Variants in TMEM131 observed in about 807,000 individuals in gnomAD.
TMEM131 encodes 2610524E03Rik.
A neutral mutation model predicts 211.6 loss-of-function variants in TMEM131; 66 were observed. The observed-to-expected ratio is 0.31, with a 90% CI of 0.26 to 0.38. The LOEUF is 0.38. Among genes scored for constraint, TMEM131 ranks in the 10% least tolerant of loss-of-function variants. The pLI is 1.00. For synonymous variants in TMEM131, 844 were observed against 841.3 expected, an observed-to-expected ratio of 1.00 and a Z score of -0.06; for missense variants, 2,036 against 2,299.3, an observed-to-expected ratio of 0.89 and a Z score of 2.34.
intron 25 of TMEM131, among the ~76,000 whole-genome samples, chr2:97,798,243 CA>C (rs1248035213): frequency 6.6e-6 from 1 of 152,182 alleles, no homozygotes; most frequent in African/African-American, 2.4e-5. Context: ...TTTTTTATTA[CA>C]AAAACAGTCA....
At chr2:97,777,565 CTTTA>C (rs1679798582) in intron 31 of TMEM131, among the ~76,000 whole-genome samples, 1 of 152,234 alleles carries the variant, frequency 6.6e-6, no homozygotes, top group East Asian at 1.9e-4. Context: ...CTACCTGGCC[CTTTA>C]CAGAAAAAGT....
intron 2 of TMEM131, among the ~76,000 whole-genome samples, chr2:97,911,268 CA>C (rs1373790419): frequency 6.6e-6 from 1 of 152,136 alleles, no homozygotes; most frequent in Non-Finnish European, 1.5e-5. Flanking sequence ...TGACAGAAAG[CA>C]GACTGGTGGT....
At chr2:97,870,530 C>T (rs1271939179) in intron 4 of TMEM131, among the ~76,000 whole-genome samples, 1 of 152,008 alleles carries the variant, frequency 6.6e-6, no homozygotes, top group Non-Finnish European at 1.5e-5. Flanking sequence ...AGCAGAACTA[C>T]GAACTGTCCA....
intron 22 of TMEM131, 85 bp downstream of exon 22, chr2:97,805,002 TA>T: frequency 1.1e-6 from 1 of 945,460 alleles, no homozygotes; most frequent in Non-Finnish European, 1.5e-6. Flanking sequence ...CAAAATAATC[TA>T]ACATAAGAAT....
At chr2:97,939,045 T>C (rs1214679915) in intron 1 of TMEM131, among the ~76,000 whole-genome samples, 1 of 152,118 alleles carries the variant, frequency 6.6e-6, no homozygotes, top group Non-Finnish European at 1.5e-5. Flanking sequence ...AGAGGGAAAT[T>C]TATACCACCA....
At chr2:97,920,768 A>G (rs1676706299) in intron 2 of TMEM131, among the ~76,000 whole-genome samples, 2 of 152,232 alleles carry the variant, frequency 1.3e-5, no homozygotes, top group South Asian at 4.1e-4. Context: ...GTATTAAAAA[A>G]TACCAAAGCC....
intron 12 of TMEM131, among the ~76,000 whole-genome samples, chr2:97,816,356 A>G (rs1173079690): frequency 6.6e-6 from 1 of 152,204 alleles, no homozygotes; most frequent in African/African-American, 2.4e-5. Context: ...AACAAAAATT[A>G]AAAAATAAAT....
At chr2:97,821,497 G>A (rs981425920) in intron 11 of TMEM131, among the ~76,000 whole-genome samples, 1 of 152,122 alleles carries the variant, frequency 6.6e-6, no homozygotes, top group Non-Finnish European at 1.5e-5. Context: ...AATAAATCTT[G>A]CTGCTGCTCA....
chr2:97,899,218 C>T (rs1468160578), intron 3 of TMEM131, among the ~76,000 whole-genome samples: 1 of 152,072 alleles, frequency 6.6e-6, no homozygotes, highest in Non-Finnish European at 1.5e-5. Context: ...ATAACCATCC[C>T]AGCATTTTAA....
rs563011773 is a variant in TMEM131, at chr2:97,992,287, T to C, written c.187+3189A>G. On this transcript the variant is annotated intron_variant, in intron 1 of 40. Coordinates refer to ENST00000186436, the MANE Select transcript of TMEM131 (RefSeq NM_015348.2). Reference sequence around the variant, plus strand: ...TATTAGATTCTTATCTGTTTTCTTGTGGTCTTTAGTCCTATGCACTTTTCT... The same window carrying C: ...TATTAGATTCTTATCTGTTTTCTTGCGGTCTTTAGTCCTATGCACTTTTCT... Among the ~76,000 whole-genome samples the C allele has an allele frequency of 1.2e-4, 19 of 152,382 alleles. No individual in the cohort carries two copies. In the South Asian group the frequency reaches 1.7e-3, roughly 13 times the overall value.
chr2:97,825,713 A>G (rs1682349207), intron 11 of TMEM131, among the ~76,000 whole-genome samples: 1 of 152,202 alleles, frequency 6.6e-6, no homozygotes, highest in African/African-American at 2.4e-5. Context: ...CCTTACTCAG[A>G]CTCGTGGGAC....
chr2:97,858,720 T>C (rs1281934918), intron 5 of TMEM131, among the ~76,000 whole-genome samples: 1 of 152,178 alleles, frequency 6.6e-6, no homozygotes. Flanking sequence ...AGAAGGAACC[T>C]GGAGGCCCTG....
At position 97,758,992 on chromosome 2, in the gene TMEM131, G is replaced by T; in HGVS notation, c.5268C>A (p.Asn1756Lys). 6.2e-7 allele frequency: 1 copy of T among 1,614,018 alleles called. No homozygotes were observed. The highest frequency in any genetic ancestry group is 2.2e-5 in the East Asian group (1 of 44,878). The part of the protein sequence containing the change: ...SCNQASQRSW[N>K]EFNSGPSYLW... Reference sequence around the variant, plus strand: ...GGTATGAAGGGCCACTATTAAACTCGTTCCAGCTCCTCTGTGAGGCCTGAT... The same window carrying T: ...GGTATGAAGGGCCACTATTAAACTCTTTCCAGCTCCTCTGTGAGGCCTGAT... Residue 1756 changes from asparagine to lysine, a missense_variant, in exon 40 of 41, where the codon AAC becomes AAA. Around this residue, in one of 3 missense-constraint regions of TMEM131, gnomAD observed 1,623 missense variants for 1,805.9 expected, o/e 0.90. Transcript: ENST00000186436.
chr2:97,865,881 TTTTTG>T (rs1328649974), intron 4 of TMEM131, among the ~76,000 whole-genome samples: 1 of 152,214 alleles, frequency 6.6e-6, no homozygotes, highest in East Asian at 1.9e-4. Flanking sequence ...TTCTGGCAAG[TTTTTG>T]TTTTGTTTTG....
intron 19 of TMEM131, among the ~76,000 whole-genome samples, chr2:97,805,933 T>G (rs1681274754): frequency 6.6e-6 from 1 of 152,230 alleles, no homozygotes; most frequent in Non-Finnish European, 1.5e-5. Context: ...GACAAATCTT[T>G]GCAATCTTGT....
intron 17 of TMEM131, among the ~76,000 whole-genome samples, chr2:97,811,562 C>A (rs776603699): frequency 4.6e-5 from 7 of 152,190 alleles, no homozygotes; most frequent in Non-Finnish European, 1.0e-4. Context: ...CTTCCACCAA[C>A]CTTTCAGGCA....
intron 4 of TMEM131, among the ~76,000 whole-genome samples, chr2:97,879,712 T>A (rs1183101418): frequency 6.6e-6 from 1 of 152,204 alleles, no homozygotes; most frequent in South Asian, 2.1e-4. Flanking sequence ...ACTTAATGAA[T>A]GAGAATTTCC....
intron 2 of TMEM131, 61 bp from the exon 3 acceptor site, chr2:97,908,759 A>G: frequency 7.4e-7 from 1 of 1,351,192 alleles, no homozygotes; most frequent in Non-Finnish European, 1.0e-6. Context: ...TTACAGACAT[A>G]TGGAATATCC....
At chr2:97,892,597 A>G (rs964474769) in intron 3 of TMEM131, among the ~76,000 whole-genome samples, 3 of 152,190 alleles carry the variant, frequency 2.0e-5, no homozygotes, top group African/African-American at 7.2e-5. Flanking sequence ...TCCTAGTCTC[A>G]AGTGATCCTC....
Sources: gnomAD v4.1 joint callset for allele counts (sites outside exome capture counted in the v4.1 genomes callset) on GRCh38, gnomAD v4.1.1 for gene constraint, gnomAD v4.1.1 regional missense constraint, MANE v1.5 for transcripts, NCBI Gene and HGNC (gene_info 2026-07-23, HGNC 2026-07-21) for gene names.